ATG9B: variants seen among roughly 807,000 people sequenced by gnomAD.
ATG9B encodes autophagy related 9B.
ATG9B carries 92 observed loss-of-function variants against 92.9 expected under a neutral mutation model. The ratio of observed to expected loss-of-function variants is 0.99; its 90% CI spans 0.84 to 1.18. The LOEUF (loss-of-function observed/expected upper bound fraction) is 1.18. ATG9B is among the 50% of genes most tolerant of loss of function. ATG9B has a pLI of 0.00. For synonymous variants in ATG9B, 599 were observed against 551.4 expected (o/e 1.09, Z -1.21); for missense variants, 1,344 against 1,235.0 (o/e 1.09, Z -1.32).
chr7:151,013,780 G>T (rs752910597), downstream of ATG9B: 11 of 1,611,658 alleles, frequency 6.8e-6, no homozygotes, highest in South Asian at 1.2e-4. Context: ...ACCGCGTGCT[G>T]TGCCTCGAGC....
downstream of ATG9B, chr7:151,013,827 C>A: frequency 6.2e-7 from 1 of 1,608,490 alleles, no homozygotes; most frequent in Non-Finnish European, 8.5e-7. Flanking sequence ...GTTACCATGG[C>A]AACCAACGTC....
intron 5 of ATG9B, 61 bp downstream of exon 5, chr7:151,021,127 C>A (rs1051124938): frequency 1.9e-6 from 3 of 1,588,978 alleles, no homozygotes; most frequent in Non-Finnish European, 2.6e-6. Flanking sequence ...CCCACTTCTT[C>A]CCCTCTCCTC....
intron 3 of ATG9B, 56 bp from the exon 4 acceptor site, chr7:151,023,262 GGGCTCCTGCCC>G: frequency 6.2e-7 from 1 of 1,611,592 alleles, no homozygotes; most frequent in Non-Finnish European, 8.5e-7. Flanking sequence ...ACAGCCAGGT[GGGCTCCTGCCC>G]CAGCCCCCAG....
chr7:151,016,261 G>A, intron 11 of ATG9B, 26 bp from the exon 12 acceptor site: 1 of 1,481,654 alleles, frequency 6.7e-7, no homozygotes, highest in Non-Finnish European at 9.0e-7. Flanking sequence ...GAGGAATGAG[G>A]GCTGCACCCC....
At chr7:151,020,899 G>A (rs887604273) in intron 5 of ATG9B, 4 of 290,664 alleles carry the variant, frequency 1.4e-5, no homozygotes, top group Non-Finnish European at 1.9e-5. Context: ...CCAGATAACT[G>A]CCCTTTCTCT....
chr7:151,013,696 G>C (rs376693013), downstream of ATG9B: 1 of 1,528,164 alleles, frequency 6.5e-7, no homozygotes, highest in African/African-American at 1.4e-5. Flanking sequence ...CCCCCACCAG[G>C]GCCCGCCCTA....
Position 151,018,867 on chromosome 7 carries a change from G to T in ATG9B, c.1471C>A (p.His491Asn). 7.4e-7 allele frequency: 1 copy of T among 1,345,692 alleles called. No individual in the cohort carries two copies. The highest frequency in any genetic ancestry group is 9.5e-7 in the Non-Finnish European group (1 of 1,054,140). 83.4% of individuals were successfully genotyped at this position (1,345,692 alleles called of 1,614,324 possible). A position where few individuals can be genotyped will look rare whatever the true frequency, so the allele number is the denominator to read the frequency against. ...AGCTCGTGCGGCAGCTCGTTGAAGTGGCGCAGCTGCAAGCGCGCCAGGCGG... is the reference window on the plus strand; with the variant it reads ...AGCTCGTGCGGCAGCTCGTTGAAGTTGCGCAGCTGCAAGCGCGCCAGGCGG... ...WSRLARLQLR[H>N]FNELPHELRA... Residue 491 changes from histidine (H) to asparagine (N), a missense_variant, in exon 6 of 14, where the codon CAC (histidine) becomes AAC (asparagine). Physicochemically the swap from His to Asn is moderately conservative, Grantham distance 68. Coordinates refer to ENST00000639579, the MANE Select transcript of ATG9B (RefSeq NM_001317056.2). The surrounding 1 kb of genome is among the most constrained non-coding windows in gnomAD (Gnocchi z 4.7).
In ATG9B at chr7:151,024,133, G is replaced by C. The variant is rs555258352; in HGVS notation, c.291C>G (p.Pro97=). ...TCATTGCAGGTTGAGCCTGTGTTGG[G>C]GGGGTGGCTGGGATAGGGAGAGCAC... ...CHSALPIPAT[P]PTQAQPAMTP... is the part of the protein sequence containing the mutation. Residue 97 remains proline (P), a synonymous_variant, in exon 1 of 14, where the codon CCC becomes CCG. Transcript: ENST00000639579. The C allele has an allele frequency of 3.8e-6, 6 of 1,589,388 alleles. No homozygotes were observed. In the African/African-American group the frequency reaches 5.4e-5, roughly 14 times the overall value.
In ATG9B at chr7:151,019,291, C is replaced by T. The variant is rs374638573; in HGVS notation, c.1047G>A (p.Pro349=). The change falls in exon 6 of 14, where the codon CCG becomes CCA. Residue 349 remains proline, a synonymous_variant. Transcript: ENST00000639579. The part of the protein sequence containing the change: ...LQRSGGLCVQ[P]RPLTELDIHH... ...GGATGTCCAGCTCCGTCAGGGGCCGCGGCTGCACGCACAGGCCCCCGCTCC... is the reference window on the plus strand; with the variant it reads ...GGATGTCCAGCTCCGTCAGGGGCCGTGGCTGCACGCACAGGCCCCCGCTCC... 7.6e-5 allele frequency: 121 copies of T among 1,587,830 alleles called. No homozygotes were observed. The highest frequency in any genetic ancestry group is 5.0e-4 in the Middle Eastern group (3 of 6,012).
chr7:151,018,735 C>T lies in ATG9B; in HGVS notation c.1603G>A (p.Ala535Thr), dbSNP rs757811497. 6.3e-7 allele frequency: 1 copy of T among 1,574,976 alleles called. No homozygotes were observed. The highest frequency in any genetic ancestry group is 8.6e-7 in the Non-Finnish European group (1 of 1,165,516). ...TLLARQLVFF[A>T]GALFAALLVL... ...AGCAGCGCGGCGAAGAGTGCACCCGCGAAGAAAACGAGCTGGCGGGCCAGC... is the reference window on the plus strand; with the variant it reads ...AGCAGCGCGGCGAAGAGTGCACCCGTGAAGAAAACGAGCTGGCGGGCCAGC... Residue 535 changes from alanine (A) to threonine (T), a missense_variant, in exon 6 of 14, where the codon GCG (alanine) becomes ACG (threonine). By Grantham distance (58) the Ala-to-Thr change is moderately conservative. Coordinates refer to ENST00000639579, the MANE Select transcript of ATG9B (RefSeq NM_001317056.2). The surrounding 1 kb of genome is among the most constrained non-coding windows in gnomAD (Gnocchi z 4.7).
rs774153829 is a variant in ATG9B at position 151,023,876 on chromosome 7, C to T, written c.548G>A (p.Arg183Gln). 7.5e-6 allele frequency: 12 copies of T among 1,610,188 alleles called. No homozygotes were observed. The highest frequency in any genetic ancestry group is 1.3e-5 in the African/African-American group (1 of 74,800). The change falls in exon 1 of 14, where the codon CGA (arginine) becomes CAA (glutamine). Residue 183 changes from arginine to glutamine, a missense_variant and splice_region_variant. Arg to Gln is a conservative substitution (Grantham distance 43). Coordinates refer to ENST00000639579, the MANE Select transcript of ATG9B (RefSeq NM_001317056.2). ...CCCACCCACACCCACACACATACCT[C>T]GGAGCCCTTCAGGGACATGAAGCAG... is the stretch of plus-strand genomic sequence containing the variant. ...QPLLHVPEGL[R>Q]GSWHHIQNLD...
Position 151,018,507 on chromosome 7 carries a change from G to C in ATG9B, c.1719-60C>G. 6.6e-7 allele frequency: 1 copy of C among 1,518,476 alleles called. No individual in the cohort carries two copies. The highest frequency in any genetic ancestry group is 1.3e-5 in the South Asian group (1 of 77,870). 94.1% of individuals were successfully genotyped at this position (1,518,476 alleles called of 1,614,324 possible). A position where few individuals can be genotyped will look rare whatever the true frequency, so the allele number is the denominator to read the frequency against. On this transcript the variant is annotated intron_variant, in intron 6 of 13. Transcript: ENST00000639579. The surrounding 1 kb of genome is among the most constrained non-coding windows in gnomAD (Gnocchi z 4.7). ...CGATTAGGAGGACGCGCGGTGGGAT[G>C]TAGGGCTAGAGGGCCCCAGTGGTGG...
chr7:151,023,650 T>C, intron 2 of ATG9B, 37 bp downstream of exon 2: 1 of 1,613,284 alleles, frequency 6.2e-7, no homozygotes, highest in Non-Finnish European at 8.5e-7. Flanking sequence ...AAGAGGACCT[T>C]CCCATGCCAC....
At chr7:151,015,137 G>A (rs1795427516), downstream of ATG9B, 1 of 152,210 alleles carries the variant, frequency 6.6e-6, no homozygotes, top group African/African-American at 2.4e-5. Context: ...CCAGAAACAA[G>A]AGTCACAGAG....
At chr7:151,012,623 T>C, downstream of ATG9B, 1 of 922,172 alleles carries the variant, frequency 1.1e-6, no homozygotes, top group South Asian at 1.8e-5. Context: ...GGAGGGCAGG[T>C]ACCAAAGGCA....
downstream of ATG9B, chr7:151,013,662 C>G (rs1795362099): frequency 1.3e-5 from 19 of 1,412,034 alleles, no homozygotes; most frequent in South Asian, 2.4e-4. Context: ...CAGCCAGCAG[C>G]CCCGGGCTGC....
In ATG9B at chr7:151,018,201, C is replaced by T; in HGVS notation, c.1872+93G>A. ...CCTGGTATAGTCCGTTTGTCTCATG[C>T]CCTCTCCCAGACAGACCCTCCGCGC... On this transcript the variant is annotated intron_variant, in intron 7 of 13. Transcript: ENST00000639579. This position sits in a 1 kb window ranked among gnomAD's most constrained non-coding sequence, Gnocchi z 4.7. 1.8e-5 allele frequency: 26 copies of T among 1,483,972 alleles called. No individual in the cohort carries two copies. Among genetic ancestry groups the T allele is most frequent in the Admixed American group, 6.9e-5 (3 of 43,246 alleles). 91.9% of individuals were successfully genotyped at this position (1,483,972 alleles called of 1,614,324 possible).
rs1490858965 is a variant in ATG9B at position 151,024,304 on chromosome 7, G to C, written c.120C>G (p.Cys40Trp). 4 of 1,430,392 alleles carry C rather than the reference G, an allele frequency of 2.8e-6. No individual in the cohort carries two copies. The Admixed American group carries it at 1.2e-4, about 41-fold the overall frequency. The allele number at this position is 1,430,392 out of a possible 1,614,324, so 88.6% of individuals were successfully genotyped here. A position where few individuals can be genotyped will look rare whatever the true frequency, so the allele number is the denominator to read the frequency against. Reference protein sequence around the residue: ...MPLPPPPPPSCRGPGGGRISI... With the variant: ...MPLPPPPPPSWRGPGGGRISI... The stretch of plus-strand genomic sequence containing the variant: ...AGATCCTCCCTCCCCCAGGTCCCCG[G>C]CATGAAGGAGGAGGAGGAGGTGGCA... The change falls in exon 1 of 14, where the codon TGC becomes TGG. Residue 40 changes from cysteine to tryptophan, a missense_variant. By Grantham distance (215) the Cys-to-Trp change is radical (BLOSUM62 -2). Transcript: ENST00000639579.
downstream of ATG9B, chr7:151,012,225 GTTTTTTT>G: frequency 1.9e-6 from 1 of 518,490 alleles, no homozygotes; most frequent in Non-Finnish European, 3.0e-6. Flanking sequence ...TTTGTTTTTT[GTTTTTTT>G]TTTAATTTTT....
Sources: gnomAD v4.1 joint callset for allele counts on GRCh38, gnomAD v4.1.1 for gene constraint, Gnocchi (gnomAD v3.1) non-coding constraint, MANE v1.5 for transcripts, NCBI Gene and HGNC (gene_info 2026-07-23, HGNC 2026-07-21) for gene names.